Variants in EGLN1 observed in about 807,000 individuals in gnomAD.
EGLN1 encodes the protein egl nine homolog 1.
EGLN1 carries 17 observed loss-of-function variants against 38.3 expected under a neutral mutation model. The ratio of observed to expected loss-of-function variants is 0.44; its 90% CI spans 0.30 to 0.67. The LOEUF (loss-of-function observed/expected upper bound fraction) is 0.67, where lower values mean the gene tolerates loss of function less well. EGLN1 is among the 30% of genes least tolerant of loss of function. The pLI is 0.08. For missense variants in EGLN1, 477 were observed against 603.3 expected (o/e 0.79, Z 2.19); for synonymous variants, 283 against 257.5 (o/e 1.10, Z -0.95).
At chr1:231,385,534 T>C (rs949548568) in intron 1 of EGLN1, among the ~76,000 whole-genome samples, 17 of 152,168 alleles carry the variant, frequency 1.1e-4, no homozygotes, top group Admixed American at 3.9e-4. Context: ...CTGTGTAAAC[T>C]GCAAACAAGG....
rs532071917 is a variant in EGLN1 at position 231,382,783 on chromosome 1, C to A, written c.892-8684G>T. Among the ~76,000 whole-genome samples, 28 of 152,098 alleles carry A rather than the reference C, an allele frequency of 1.8e-4. No individual in the cohort carries two copies. In the Middle Eastern group the frequency reaches 0.014, roughly 75 times the overall value. ...CATAAAAGGTGCTTGGCAGGCCGGGCATGGTGGCTCAAGCCGGTAATCCCA... is the reference window on the plus strand; with the variant it reads ...CATAAAAGGTGCTTGGCAGGCCGGGAATGGTGGCTCAAGCCGGTAATCCCA... On this transcript the variant is annotated intron_variant, in intron 1 of 4. Coordinates refer to ENST00000366641, the MANE Select transcript of EGLN1 (RefSeq NM_022051.3).
intron 1 of EGLN1, among the ~76,000 whole-genome samples, chr1:231,395,427 G>A (rs1026267372): frequency 1.2e-4 from 19 of 152,020 alleles, no homozygotes; most frequent in Admixed American, 1.2e-3. Context: ...AAACCACTTA[G>A]TAAGTATTTT....
At chr1:231,388,033 G>C (rs1688265654) in intron 1 of EGLN1, among the ~76,000 whole-genome samples, 1 of 152,206 alleles carries the variant, frequency 6.6e-6, no homozygotes, top group Admixed American at 6.5e-5. Flanking sequence ...ACTGTAGGCA[G>C]ATCTTTACAG....
At chr1:231,381,596 A>G (rs759846988) in intron 1 of EGLN1, among the ~76,000 whole-genome samples, 18 of 152,224 alleles carry the variant, frequency 1.2e-4, no homozygotes, top group Non-Finnish European at 1.3e-4. Context: ...CAACTTAAGT[A>G]TGATGCTCCC....
chr1:231,411,757 G>C (rs1003679458), intron 1 of EGLN1, among the ~76,000 whole-genome samples: 20 of 152,058 alleles, frequency 1.3e-4, no homozygotes, highest in African/African-American at 4.8e-4. Context: ...CCAGCACTTT[G>C]GGAGGCCTAG....
chr1:231,395,104 T>A (rs1480538832), intron 1 of EGLN1, among the ~76,000 whole-genome samples: 47 of 152,242 alleles, frequency 3.1e-4, no homozygotes, highest in Admixed American at 3.1e-3. Context: ...CCATCCTTTC[T>A]CACCTCCTCA....
chr1:231,389,412 A>T (rs116328462), intron 1 of EGLN1, among the ~76,000 whole-genome samples: 80,928 of 149,592 alleles, frequency 0.54, 23,210 homozygotes, highest in Non-Finnish European at 0.65. Context: ...AAATGAAAAA[A>T]AATTTTTTTT....
Position 231,422,096 on chromosome 1 carries a change from C to A in EGLN1, c.-208G>T. ...TAAGCTCCGGCGCAGCGCCGGCAGC[C>A]GCCTCAGCGCCTCATCGCCGCCGAG... On this transcript the variant is annotated 5_prime_UTR_variant, in exon 1 of 5. Transcript: ENST00000366641. 2.4e-6 allele frequency: 1 copy of A among 416,188 alleles called. No homozygotes were observed. Among genetic ancestry groups the A allele is most frequent in the Non-Finnish European group, 4.1e-6 (1 of 243,524 alleles). 25.8% of individuals were successfully genotyped at this position (416,188 alleles called of 1,614,324 possible). A position where few individuals can be genotyped will look rare whatever the true frequency, so the allele number is the denominator to read the frequency against.
In EGLN1 at chr1:231,421,763, G is replaced by T; in HGVS notation, c.126C>A (p.Cys42Ter). ...AGTCCTGACGCTGGTGCTCCTTGCAGCAGTAGAAGGAGCTGCGGCAGCGGC... is the reference window on the plus strand; with the variant it reads ...AGTCCTGACGCTGGTGCTCCTTGCATCAGTAGAAGGAGCTGCGGCAGCGGC... ...RCSRCRSSFYCCKEHQRQDWK... is the reference protein window; with the variant it reads ...RCSRCRSSFY The change falls in exon 1 of 5, where the codon TGC becomes TGA. Residue 42 changes from cysteine to a stop codon, truncating the protein, a stop_gained. Transcript: ENST00000366641. LOFTEE classifies it high-confidence loss of function. The surrounding 1 kb of genome is among the most constrained non-coding windows in gnomAD (Gnocchi z 5.5). 1 of 1,554,902 alleles carries T rather than the reference G, an allele frequency of 6.4e-7. No individual in the cohort carries two copies.
intron 1 of EGLN1, among the ~76,000 whole-genome samples, chr1:231,418,451 T>A (rs565982206): frequency 6.6e-6 from 1 of 152,240 alleles, no homozygotes; most frequent in African/African-American, 2.4e-5. Flanking sequence ...GGGTTTGATA[T>A]CTGAATGACT....
intron 1 of EGLN1, among the ~76,000 whole-genome samples, chr1:231,386,151 T>G (rs1359579177): frequency 6.6e-6 from 1 of 152,034 alleles, no homozygotes; most frequent in East Asian, 1.9e-4. Context: ...ACTCCCTTTG[T>G]AGGCAGATAA....
intron 3 of EGLN1, among the ~76,000 whole-genome samples, chr1:231,369,267 A>G (rs911532098): frequency 2.0e-5 from 3 of 152,112 alleles, no homozygotes; most frequent in Non-Finnish European, 2.9e-5. Context: ...TCTCCAATGT[A>G]GCACCACCTT....
chr1:231,409,719 T>C (rs775066470), intron 1 of EGLN1, among the ~76,000 whole-genome samples: 2 of 151,882 alleles, frequency 1.3e-5, no homozygotes, highest in African/African-American at 2.4e-5. Context: ...GAAGTCATGA[T>C]TGTTGTTATT....
At chr1:231,415,338 G>A (rs1191871800) in intron 1 of EGLN1, among the ~76,000 whole-genome samples, 1 of 150,908 alleles carries the variant, frequency 6.6e-6, no homozygotes, top group African/African-American at 2.4e-5. Flanking sequence ...TAAAGTTACA[G>A]ATATGAATGA....
intron 1 of EGLN1, among the ~76,000 whole-genome samples, chr1:231,417,999 A>G (rs1264324787): frequency 6.6e-6 from 1 of 152,212 alleles, no homozygotes; most frequent in African/African-American, 2.4e-5. Context: ...CCACTTTTCT[A>G]ATCTATAAAA....
At chr1:231,366,951 T>C (rs1188021273) in intron 4 of EGLN1, among the ~76,000 whole-genome samples, 1 of 152,168 alleles carries the variant, frequency 6.6e-6, no homozygotes, top group Middle Eastern at 3.2e-3. Context: ...AGAAGGTAAG[T>C]GGTCCATCAG....
intron 1 of EGLN1, among the ~76,000 whole-genome samples, chr1:231,375,157 GCGATTCTCCTGCCTCGGCCTCC>G (rs1687928926): frequency 6.6e-6 from 1 of 152,168 alleles, no homozygotes; most frequent in Admixed American, 6.5e-5. Context: ...CCAGGTTCAA[GCGATTCTCCTGCCTCGGCCTCC>G]CGAGTAGCTG....
intron 3 of EGLN1, among the ~76,000 whole-genome samples, chr1:231,367,924 C>T (rs975507547): frequency 3.3e-5 from 5 of 152,210 alleles, no homozygotes; most frequent in African/African-American, 1.2e-4. Context: ...TGGCTCACGC[C>T]TGTAATCCCA....
intron 1 of EGLN1, among the ~76,000 whole-genome samples, chr1:231,382,826 G>C (rs916123971): frequency 6.6e-6 from 1 of 152,244 alleles, no homozygotes; most frequent in East Asian, 1.9e-4. Context: ...GGGAGGCCGA[G>C]GCAGGTGGAT....
Sources: gnomAD v4.1 joint callset for allele counts (sites outside exome capture counted in the v4.1 genomes callset) on GRCh38, gnomAD v4.1.1 for gene constraint, Gnocchi (gnomAD v3.1) non-coding constraint, MANE v1.5 for transcripts, NCBI Gene and HGNC (gene_info 2026-07-23, HGNC 2026-07-21) for gene names.